NOLC1: variants seen among roughly 807,000 people sequenced by gnomAD.
NOLC1 encodes the protein 140 kDa nucleolar phosphoprotein.
In NOLC1, 37 loss-of-function variants were observed where a neutral mutation model predicts 73.4. The observed-to-expected ratio is 0.50, with a 90% CI of 0.39 to 0.66. The LOEUF (loss-of-function observed/expected upper bound fraction) is 0.66. NOLC1 is among the 30% of genes least tolerant of loss of function. NOLC1 has a pLI of 0.00. For synonymous variants in NOLC1, 327 were observed against 302.6 expected (o/e 1.08, Z -0.84); for missense variants, 921 against 838.9 (o/e 1.10, Z -1.21).
chr10:102,155,923 C>G (rs1352106166), intron 1 of NOLC1, among the ~76,000 whole-genome samples: 1 of 151,874 alleles, frequency 6.6e-6, no homozygotes, highest in East Asian at 1.9e-4. Flanking sequence ...GTGGCGCGAT[C>G]TCAGCTTACT....
intron 10 of NOLC1, 113 bp from the exon 11 acceptor site, chr10:102,161,443 G>C: frequency 1.3e-6 from 1 of 752,902 alleles, no homozygotes; most frequent in Non-Finnish European, 2.2e-6. Context: ...TATTGCCCAG[G>C]CTGATCTGAA....
intron 1 of NOLC1, 97 bp downstream of exon 1, chr10:102,152,627 C>A: frequency 6.5e-7 from 1 of 1,546,418 alleles, no homozygotes; most frequent in South Asian, 1.2e-5. Context: ...TCTGGGGGTC[C>A]GCCAGTCCAG....
chr10:102,154,070 T>A (rs2069550550), intron 1 of NOLC1, among the ~76,000 whole-genome samples: 1 of 39,094 alleles, frequency 2.6e-5, no homozygotes, highest in South Asian at 6.0e-4. Context: ...ATGCATTTAA[T>A]TTTTTTTTTT....
At chr10:102,156,186 A>G (rs917225144) in intron 1 of NOLC1, among the ~76,000 whole-genome samples, 1 of 152,234 alleles carries the variant, frequency 6.6e-6, no homozygotes, top group African/African-American at 2.4e-5. Context: ...ACATTGCAGG[A>G]AAAACCTTCT....
At position 102,159,531 on chromosome 10, in the gene NOLC1, G is replaced by C. The variant is rs1157772132; in HGVS notation, c.822G>C (p.Glu274Asp). ...GCAGTGAGGATTCCTCCAGTGACGAGGAAGAGGAGCAAAAAAAACCCATGA... is the reference window on the plus strand; with the variant it reads ...GCAGTGAGGATTCCTCCAGTGACGACGAAGAGGAGCAAAAAAAACCCATGA... ...SSSSEDSSSD[E>D]EEEQKKPMKN... Residue 274 changes from glutamate to aspartate, a missense_variant, in exon 7 of 13, where the codon GAG becomes GAC. Coordinates refer to ENST00000605788, the MANE Select transcript of NOLC1 (RefSeq NM_004741.5). 3 of 1,614,190 alleles carry C rather than the reference G, an allele frequency of 1.9e-6. No homozygotes were observed. Among genetic ancestry groups the C allele is most frequent in the South Asian group, 1.1e-5 (1 of 91,074 alleles).
At chr10:102,154,069 ATTTTT>A (rs58538934) in intron 1 of NOLC1, among the ~76,000 whole-genome samples, 1 of 116,442 alleles carries the variant, frequency 8.6e-6, no homozygotes, top group Admixed American at 8.9e-5. Context: ...CATGCATTTA[ATTTTT>A]TTTTTTTTTT....
chr10:102,156,989 T>A, intron 1 of NOLC1, 30 bp from the exon 2 acceptor site: 1 of 1,608,904 alleles, frequency 6.2e-7, no homozygotes, highest in East Asian at 2.2e-5. Flanking sequence ...GATAAAATAA[T>A]TTCCTTACCC....
chr10:102,152,406 G>T lies in NOLC1; in HGVS notation c.-5G>T, dbSNP rs2133748087. The T allele has an allele frequency of 6.2e-7, 1 of 1,609,208 alleles. No individual in the cohort carries two copies. Among genetic ancestry groups the T allele is most frequent in the Non-Finnish European group, 8.5e-7 (1 of 1,180,008 alleles). On this transcript the variant is annotated 5_prime_UTR_variant, in exon 1 of 13. Transcript: ENST00000605788. ...ACAACGGTAGTGACGCGTATTGCCTGGAGGATGGCGGACGCCGGCATTCGC... is the reference window on the plus strand; with the variant it reads ...ACAACGGTAGTGACGCGTATTGCCTTGAGGATGGCGGACGCCGGCATTCGC...
In NOLC1 at chr10:102,159,580, T is replaced by G. The variant is rs965655548; in HGVS notation, c.859+12T>G. 1.2e-6 allele frequency: 2 copies of G among 1,612,396 alleles called. No individual in the cohort carries two copies. The highest frequency in any genetic ancestry group is 1.7e-6 in the Non-Finnish European group (2 of 1,179,468). On this transcript the variant is annotated intron_variant, in intron 7 of 12. Transcript: ENST00000605788. ...GAAAAATAAACCAGGTGACTGGACA[T>G]GGGGAGCGAAGCTGTGTGACTGTGG... is the stretch of plus-strand genomic sequence containing the variant.
chr10:102,157,178 T>C lies in NOLC1; in HGVS notation c.177-11T>C. 1.9e-6 allele frequency: 3 copies of C among 1,614,030 alleles called. No homozygotes were observed. Among genetic ancestry groups the C allele is most frequent in the South Asian group, 2.2e-5 (2 of 91,072 alleles). On this transcript the variant is annotated splice_polypyrimidine_tract_variant and intron_variant, in intron 2 of 12. Transcript: ENST00000605788. ...CAGTCCCCTAGAAATTGGTCCAATC[T>C]ACCTCAGCAGGTCTGCCAAGGTCCC... is the stretch of plus-strand genomic sequence containing the variant.
chr10:102,160,401 TCC>T lies in NOLC1; in HGVS notation c.1100-48_1100-47del, dbSNP rs71472595. On this transcript the variant is annotated intron_variant, in intron 9 of 12. Coordinates refer to ENST00000605788, the MANE Select transcript of NOLC1 (RefSeq NM_004741.5). Reference sequence around the variant, plus strand: ...ATGCTCTCAGGCAGCTGCTAAGGGCTCCCCTGAATCCAATTTGGGGAGCTGTT... The same window carrying T: ...ATGCTCTCAGGCAGCTGCTAAGGGCTCCTGAATCCAATTTGGGGAGCTGTT... 1.5e-5 allele frequency: 24 copies of T among 1,612,468 alleles called. 1 individual carries two copies. Among genetic ancestry groups the T allele is most frequent in the South Asian group, 3.3e-5 (3 of 90,994 alleles).
Position 102,157,523 on chromosome 10 carries a change from G to A in NOLC1, c.409G>A (p.Asp137Asn). The A allele has an allele frequency of 1.2e-6, 2 of 1,614,142 alleles. No homozygotes were observed. Among genetic ancestry groups the A allele is most frequent in the Non-Finnish European group, 1.7e-6 (2 of 1,180,028 alleles). The change falls in exon 4 of 13, where the codon GAT becomes AAT. Residue 137 changes from aspartate to asparagine, a missense_variant. Physicochemically the swap from Asp to Asn is conservative, Grantham distance 23 (BLOSUM62 1). Coordinates refer to ENST00000605788, the MANE Select transcript of NOLC1 (RefSeq NM_004741.5). ...CAGTGAAGAGTCCAGTGATGATGATGATGAGGAGGACCAAAAGAAACAGCC... is the reference window on the plus strand; with the variant it reads ...CAGTGAAGAGTCCAGTGATGATGATAATGAGGAGGACCAAAAGAAACAGCC... ...SSSEESSDDD[D>N]EEDQKKQPVQ...
At chr10:102,161,529 G>A (rs1283648002) in intron 10 of NOLC1, 27 bp from the exon 11 acceptor site, 2 of 1,579,426 alleles carry the variant, frequency 1.3e-6, no homozygotes, top group East Asian at 2.2e-5. Context: ...ACTGTACTCG[G>A]CCTGAGTCTG....
At chr10:102,157,401 A>G (rs776092219) in intron 3 of NOLC1, 30 bp from the exon 4 acceptor site, 1 of 1,613,894 alleles carries the variant, frequency 6.2e-7, no homozygotes, top group Non-Finnish European at 8.5e-7. Flanking sequence ...CACATGGCTG[A>G]TTCTTACTGG....
Position 102,158,118 on chromosome 10 carries a change from T to A in NOLC1, c.511T>A (p.Ser171Thr), listed in dbSNP as rs746716364. 1.3e-5 allele frequency: 21 copies of A among 1,614,024 alleles called. No individual in the cohort carries two copies. Among genetic ancestry groups the A allele is most frequent in the Non-Finnish European group, 1.7e-5 (20 of 1,180,014 alleles). ...GAAGGCCAAGAGCTCTGATTCTGAT[T>A]CTGACTCAAGCTCCGAGGATGAGCC... Reference protein sequence around the residue: ...PKKAKSSDSDSDSSSEDEPPK... With the variant: ...PKKAKSSDSDTDSSSEDEPPK... Residue 171 changes from serine (S) to threonine (T), a missense_variant, in exon 5 of 13, where the codon TCT (serine) becomes ACT (threonine). Coordinates refer to ENST00000605788, the MANE Select transcript of NOLC1 (RefSeq NM_004741.5).
rs199757723 is a variant in NOLC1 at position 102,161,936 on chromosome 10, G to T, written c.1941+11G>T. 3.1e-6 allele frequency: 5 copies of T among 1,613,062 alleles called. No homozygotes were observed. In the East Asian group the frequency reaches 1.1e-4, roughly 36 times the overall value. Reference sequence around the variant, plus strand: ...TCCTTTGATGCCAAGGTGAGAGAGAGATCTGTGCCATTCTTGGGAGGGAGG... The same window carrying T: ...TCCTTTGATGCCAAGGTGAGAGAGATATCTGTGCCATTCTTGGGAGGGAGG... On this transcript the variant is annotated intron_variant, in intron 12 of 12. Transcript: ENST00000605788.
chr10:102,162,421 T>G lies in NOLC1; in HGVS notation c.*152T>G. The G allele has an allele frequency of 2.9e-6, 2 of 682,762 alleles. No individual in the cohort carries two copies. The highest frequency in any genetic ancestry group is 2.8e-5 in the East Asian group (1 of 36,094). 42.3% of individuals were successfully genotyped at this position (682,762 alleles called of 1,614,324 possible). On this transcript the variant is annotated 3_prime_UTR_variant, in exon 13 of 13. Transcript: ENST00000605788. The stretch of plus-strand genomic sequence containing the variant: ...AGACTTTACAGTGTAACATCCTCTC[T>G]GGTCCTTTTCTGTGTTCCTAGTTTT...
At chr10:102,159,094 A>AAATG in intron 5 of NOLC1, 99 bp from the exon 6 acceptor site, 1 of 724,780 alleles carries the variant, frequency 1.4e-6, no homozygotes, top group Non-Finnish European at 2.1e-6. Flanking sequence ...AAAAAAAAAA[A>AAATG]TGGTGGACTC....
chr10:102,156,170 T>C (rs2069591164), intron 1 of NOLC1, among the ~76,000 whole-genome samples: 1 of 152,254 alleles, frequency 6.6e-6, no homozygotes, highest in South Asian at 2.1e-4. Flanking sequence ...TTTGGTATTA[T>C]AATCCACATT....
Sources: allele counts gnomAD v4.1 joint callset (sites outside exome capture counted in the v4.1 genomes callset), GRCh38; gene constraint gnomAD v4.1.1; transcripts MANE v1.5; gene names NCBI Gene and HGNC (gene_info 2026-07-23, HGNC 2026-07-21).